MAPKAP1: variants seen among roughly 807,000 people sequenced by gnomAD.
MAPKAP1 encodes target of rapamycin complex 2 subunit MAPKAP1.
MAPKAP1 carries 20 observed loss-of-function variants against 65.7 expected under a neutral mutation model. That is an observed-to-expected ratio of 0.30 (90% CI 0.21 to 0.44). The LOEUF is 0.44. MAPKAP1 is among the 20% of genes least tolerant of loss of function. MAPKAP1 has a pLI of 1.00. For synonymous variants in MAPKAP1, 222 were observed against 244.3 expected, an observed-to-expected ratio of 0.91 and a Z score of 0.85; for missense variants, 423 against 648.0, an observed-to-expected ratio of 0.65 and a Z score of 3.77.
intron 4 of MAPKAP1, among the ~76,000 whole-genome samples, chr9:125,656,368 A>G (rs1834032037): frequency 1.3e-5 from 2 of 152,240 alleles, no homozygotes; most frequent in Non-Finnish European, 2.9e-5. Flanking sequence ...GAAGCTTTAC[A>G]TCAATACAGT....
chr9:125,444,466 C>T (rs1234615419), intron 11 of MAPKAP1, 35 bp downstream of exon 11: 3 of 1,527,326 alleles, frequency 2.0e-6, no homozygotes, highest in East Asian at 2.3e-5. Flanking sequence ...GCTGGACCCA[C>T]CTACCCTGTC....
At chr9:125,546,803 G>A (rs970286043) in intron 6 of MAPKAP1, among the ~76,000 whole-genome samples, 1 of 152,038 alleles carries the variant, frequency 6.6e-6, no homozygotes, top group Non-Finnish European at 1.5e-5. Context: ...GAGCTGTGGC[G>A]GGGTGATCAG....
intron 4 of MAPKAP1, among the ~76,000 whole-genome samples, chr9:125,591,806 T>C (rs533226345): frequency 6.6e-6 from 1 of 152,128 alleles, no homozygotes; most frequent in Non-Finnish European, 1.5e-5. Context: ...TTAACTTATT[T>C]AAAAAAACGG....
At chr9:125,696,912 A>G (rs1027279458) in intron 1 of MAPKAP1, among the ~76,000 whole-genome samples, 1 of 148,394 alleles carries the variant, frequency 6.7e-6, no homozygotes, top group African/African-American at 2.5e-5. Context: ...CACTTCCCAA[A>G]TACGTAAGCA....
At chr9:125,470,091 A>G (rs1853846500) in intron 9 of MAPKAP1, among the ~76,000 whole-genome samples, 1 of 152,212 alleles carries the variant, frequency 6.6e-6, no homozygotes, top group Admixed American at 6.5e-5. Flanking sequence ...CACCAGAGAC[A>G]TGGTTTTAAA....
At chr9:125,661,122 T>G (rs779821602) in intron 3 of MAPKAP1, among the ~76,000 whole-genome samples, 2 of 152,168 alleles carry the variant, frequency 1.3e-5, no homozygotes, top group Non-Finnish European at 2.9e-5. Context: ...AATGGAAAGA[T>G]TCTCAACCAC....
chr9:125,546,569 T>C (rs1261264236), intron 6 of MAPKAP1, among the ~76,000 whole-genome samples: 1 of 152,198 alleles, frequency 6.6e-6, no homozygotes, highest in East Asian at 1.9e-4. Flanking sequence ...CTTCCAAACA[T>C]TCTGGGTTTT....
chr9:125,567,598 T>C (rs751513404), intron 5 of MAPKAP1: 7 of 152,068 alleles, frequency 4.6e-5, no homozygotes, highest in Non-Finnish European at 8.8e-5. Flanking sequence ...GTCTGTGGAG[T>C]AGCCATTCTT....
intron 7 of MAPKAP1, among the ~76,000 whole-genome samples, chr9:125,534,611 T>C (rs1471644253): frequency 6.6e-6 from 1 of 152,252 alleles, no homozygotes; most frequent in African/African-American, 2.4e-5. Flanking sequence ...TCATGTTCTT[T>C]GGCCTCTAAT....
chr9:125,534,297 T>C (rs1488541642), intron 7 of MAPKAP1, among the ~76,000 whole-genome samples: 1 of 152,236 alleles, frequency 6.6e-6, no homozygotes, highest in Non-Finnish European at 1.5e-5. Flanking sequence ...ACCTTCATTT[T>C]TTACTTCACA....
intron 1 of MAPKAP1, among the ~76,000 whole-genome samples, chr9:125,695,648 AAG>A (rs1835360472): frequency 6.6e-6 from 1 of 152,204 alleles, no homozygotes; most frequent in African/African-American, 2.4e-5. Flanking sequence ...TATTGTACAT[AAG>A]AGAATCAGTA....
At chr9:125,657,069 C>T (rs1834053196) in intron 4 of MAPKAP1, among the ~76,000 whole-genome samples, 1 of 152,100 alleles carries the variant, frequency 6.6e-6, no homozygotes, top group African/African-American at 2.4e-5. Context: ...AAGCTCAGAT[C>T]TCAACAATTT....
chr9:125,584,073 A>C (rs1307933827), intron 5 of MAPKAP1, among the ~76,000 whole-genome samples: 1 of 152,180 alleles, frequency 6.6e-6, no homozygotes, highest in African/African-American at 2.4e-5. Flanking sequence ...CAAAAAAAAA[A>C]AAAAGAATTA....
intron 4 of MAPKAP1, 69 bp from the exon 5 acceptor site, chr9:125,585,796 C>A: frequency 6.8e-7 from 1 of 1,465,088 alleles, no homozygotes; most frequent in South Asian, 1.2e-5. Flanking sequence ...GCTCTCCAGG[C>A]CTGTGGGCAG....
At chr9:125,621,545 C>A (rs1304286207) in intron 4 of MAPKAP1, among the ~76,000 whole-genome samples, 1 of 152,140 alleles carries the variant, frequency 6.6e-6, no homozygotes, top group East Asian at 1.9e-4. Context: ...ACAGTAAATG[C>A]TTAATTAATG....
chr9:125,490,600 T>C (rs1253191440), intron 8 of MAPKAP1, among the ~76,000 whole-genome samples: 2 of 152,104 alleles, frequency 1.3e-5, no homozygotes, highest in East Asian at 3.9e-4. Flanking sequence ...GAAACTATCA[T>C]TTGAGTTTTG....
intron 4 of MAPKAP1, among the ~76,000 whole-genome samples, chr9:125,616,740 C>T (rs1378963002): frequency 6.6e-6 from 1 of 152,142 alleles, no homozygotes; most frequent in Non-Finnish European, 1.5e-5. Context: ...ATGGGAATAA[C>T]CACTTTGTAA....
intron 10 of MAPKAP1, among the ~76,000 whole-genome samples, chr9:125,449,605 AAAGT>A (rs1330230206): frequency 1.3e-5 from 2 of 152,200 alleles, no homozygotes; most frequent in African/African-American, 2.4e-5. Flanking sequence ...TAAGTTTTTC[AAAGT>A]AAGACAGAGA....
At chr9:125,540,765 A>G (rs138057414) in intron 7 of MAPKAP1, among the ~76,000 whole-genome samples, 1 of 152,326 alleles carries the variant, frequency 6.6e-6, no homozygotes, top group Admixed American at 6.5e-5. Context: ...ATGCGTCATA[A>G]TGGGTAACTA....
Sources: gnomAD v4.1 joint callset for allele counts (sites outside exome capture counted in the v4.1 genomes callset) on GRCh38, gnomAD v4.1.1 for gene constraint, MANE v1.5 for transcripts, NCBI Gene and HGNC (gene_info 2026-07-23, HGNC 2026-07-21) for gene names.